ANKRD36: variants seen among roughly 807,000 people sequenced by gnomAD.
ANKRD36 encodes ankyrin repeat domain-containing protein 36A.
ANKRD36 carries 179 observed loss-of-function variants against 278.1 expected under a neutral mutation model. The observed-to-expected ratio is 0.64, with a 90% confidence interval of 0.57 to 0.73. The LOEUF (loss-of-function observed/expected upper bound fraction) is 0.73, where lower values mean the gene tolerates loss of function less well. Ranked by LOEUF, ANKRD36 falls within the 30% of genes least tolerant of loss-of-function variation. The pLI, the probability that ANKRD36 is intolerant of heterozygous loss-of-function variation, is 0.00. For missense variants in ANKRD36, 1,159 were observed against 1,956.7 expected (o/e 0.59, Z 7.69); for synonymous variants, 320 against 641.1 (o/e 0.50, Z 7.57).
At position 97,200,445 on chromosome 2, in the gene ANKRD36, C is replaced by G. The variant is rs369610399; in HGVS notation, c.2785-8C>G. ...CTTATTTATTACTTTGTTTCAAATT[C>G]CATTCAGGCCACAAGTGATGAGAAG... On this transcript the variant is annotated splice_polypyrimidine_tract_variant and splice_region_variant and intron_variant, in intron 45 of 75. Coordinates refer to ENST00000420699, the MANE Select transcript of ANKRD36 (RefSeq NM_001354587.1). 1.9e-6 allele frequency: 3 copies of G among 1,596,426 alleles called. No homozygotes were observed. Among genetic ancestry groups the G allele is most frequent in the African/African-American group, 1.3e-5 (1 of 74,460 alleles).
At position 97,244,128 on chromosome 2, in the gene ANKRD36, C is replaced by T. The variant is rs933581300; in HGVS notation, c.4491+99C>T. 10 of 1,406,992 alleles carry T rather than the reference C, an allele frequency of 7.1e-6. 1 individual carries two copies. Among genetic ancestry groups the T allele is most frequent in the Admixed American group, 5.9e-5 (2 of 33,702 alleles). The allele number at this position is 1,406,992 out of a possible 1,614,324, so 87.2% of individuals were successfully genotyped here. A position where few individuals can be genotyped will look rare whatever the true frequency, so the allele number is the denominator to read the frequency against. ...GTATATTATTTAGGCCTGAACAATCCCCAAATTTTATTTCATCTTAAAAAT... is the reference window on the plus strand; with the variant it reads ...GTATATTATTTAGGCCTGAACAATCTCCAAATTTTATTTCATCTTAAAAAT... On this transcript the variant is annotated intron_variant, in intron 70 of 75. Transcript: ENST00000420699.
intron 22 of ANKRD36, among the ~76,000 whole-genome samples, chr2:97,179,194 CCAAA>C (rs1305519172): frequency 2.0e-5 from 3 of 151,450 alleles, no homozygotes; most frequent in Non-Finnish European, 4.4e-5. Flanking sequence ...CTAGAATTCA[CCAAA>C]CATATATCCA....
chr2:97,186,320 A>G (rs1389354471), intron 30 of ANKRD36, among the ~76,000 whole-genome samples: 4 of 151,050 alleles, frequency 2.6e-5, no homozygotes, highest in South Asian at 2.1e-4. Flanking sequence ...AGAGAATAGT[A>G]TGATCCTCCT....
At position 97,154,894 on chromosome 2, in the gene ANKRD36, AG is replaced by A. The variant is rs373528960; in HGVS notation, c.1260+160del. On this transcript the variant is annotated intron_variant, in intron 15 of 75. Coordinates refer to ENST00000420699, the MANE Select transcript of ANKRD36 (RefSeq NM_001354587.1). Reference sequence around the variant, plus strand: ...TTAGAGATAACCATTTTAAAGAAATAGGGGGGGTTAATTTTAATTTTTTTTT... The same window carrying A: ...TTAGAGATAACCATTTTAAAGAAATAGGGGGGTTAATTTTAATTTTTTTTT... 2.8e-3 allele frequency among the ~76,000 whole-genome samples: 408 copies of A among 145,182 alleles called. 32 individuals are homozygous for A. The East Asian group carries it at 0.051, about 18-fold the overall frequency.
intron 40 of ANKRD36, 47 bp from the exon 41 acceptor site, chr2:97,196,544 CTT>C: frequency 6.2e-7 from 1 of 1,601,506 alleles, no homozygotes; most frequent in Non-Finnish European, 8.5e-7. Flanking sequence ...GTATGGATAT[CTT>C]TGTCATATTT....
intron 20 of ANKRD36, among the ~76,000 whole-genome samples, chr2:97,165,709 A>G (rs757533121): frequency 2.1e-4 from 32 of 152,052 alleles, no homozygotes; most frequent in Non-Finnish European, 4.4e-4. Flanking sequence ...CCAGATAAAG[A>G]AATGCTCTAT....
rs1347820014 is a variant in ANKRD36 at position 97,218,178 on chromosome 2, A to G, written c.3775+806A>G. 2.7e-5 allele frequency among the ~76,000 whole-genome samples: 4 copies of G among 149,978 alleles called. No individual in the cohort carries two copies. The Admixed American group carries it at 2.7e-4, about 10-fold the overall frequency. Reference sequence around the variant, plus strand: ...AATAGCTATTTAATGAAAATTCTTTATAGTAAAGTGATATTCCAGAGCAGA... The same window carrying G: ...AATAGCTATTTAATGAAAATTCTTTGTAGTAAAGTGATATTCCAGAGCAGA... On this transcript the variant is annotated intron_variant, in intron 64 of 75. Transcript: ENST00000420699.
rs71218080 is a variant in ANKRD36, at chr2:97,260,347, G to GATATATATATAT, written c.*7-3960_*7-3949dup. 2.0e-3 allele frequency among the ~76,000 whole-genome samples: 232 copies of GATATATATATAT among 117,568 alleles called. 1 individual carries two copies. The highest frequency in any genetic ancestry group is 2.6e-3 in the Admixed American group (26 of 10,084). The allele number at this position is 117,568 out of a possible 152,430, so 77.1% of individuals were successfully genotyped here. On this transcript the variant is annotated intron_variant, in intron 75 of 75. Transcript: ENST00000420699. Reference sequence around the variant, plus strand: ...GTCAATGAGCAGTAATATTTTAAAAGATATATATATATATATATATATATA... The same window carrying GATATATATATAT: ...GTCAATGAGCAGTAATATTTTAAAAGATATATATATATATATATATATATATATATATATATA...
At chr2:97,161,966 A>G in intron 17 of ANKRD36, 133 bp from the exon 18 acceptor site, 2 of 596,062 alleles carry the variant, frequency 3.4e-6, no homozygotes, top group Non-Finnish European at 4.9e-6. Flanking sequence ...TAAAATTAGT[A>G]TTTTATTCAT....
chr2:97,118,443 G>A lies in ANKRD36; in HGVS notation c.412G>A (p.Ala138Thr), dbSNP rs553241967. 4.7e-4 allele frequency: 760 copies of A among 1,606,390 alleles called. 11 individuals carry two copies. In the East Asian group the frequency reaches 0.015, roughly 33 times the overall value. Residue 138 changes from alanine to threonine, a missense_variant, in exon 3 of 76, where the codon GCT (alanine) becomes ACT (threonine). Coordinates refer to ENST00000420699, the MANE Select transcript of ANKRD36 (RefSeq NM_001354587.1). Reference protein sequence around the residue: ...DFFGRTALHYAVYNEDTSMIE... With the variant: ...DFFGRTALHYTVYNEDTSMIE... The stretch of plus-strand genomic sequence containing the variant: ...CTTTGGAAGGACTGCTCTGCACTAC[G>A]CTGTGTATAATGAAGATACATCCAT...
At chr2:97,180,695 C>T (rs1284719173) in intron 24 of ANKRD36, among the ~76,000 whole-genome samples, 3 of 151,606 alleles carry the variant, frequency 2.0e-5, no homozygotes, top group Non-Finnish European at 4.4e-5. Context: ...GTTCAAGGAG[C>T]TAACTCTTGG....
intron 6 of ANKRD36, among the ~76,000 whole-genome samples, chr2:97,138,316 A>T (rs2042040363): frequency 6.6e-6 from 1 of 152,096 alleles, no homozygotes; most frequent in East Asian, 1.9e-4. Flanking sequence ...GCACTAAATC[A>T]TGAGTGAACT....
intron 22 of ANKRD36, among the ~76,000 whole-genome samples, chr2:97,177,133 A>G (rs913602511): frequency 1.1e-4 from 16 of 151,482 alleles, no homozygotes; most frequent in South Asian, 2.1e-4. Flanking sequence ...ATGTGAAGGA[A>G]CTCTTCAAGG....
At chr2:97,136,528 A>C (rs965947826) in intron 6 of ANKRD36, among the ~76,000 whole-genome samples, 5 of 151,996 alleles carry the variant, frequency 3.3e-5, no homozygotes, top group African/African-American at 1.2e-4. Context: ...GTGGGGGAAT[A>C]GCCTTGTGGT....
rs778232327 is a variant in ANKRD36 at position 97,243,927 on chromosome 2, A to G, written c.4389A>G (p.Thr1463=). The G allele has an allele frequency of 3.1e-6, 5 of 1,605,030 alleles. No homozygotes were observed. The Admixed American group carries it at 5.1e-5, about 16-fold the overall frequency. Reference sequence around the variant, plus strand: ...AAGTTAGGGAAAAGTTAAGAATAACAGAAGAGCAATATAGGATAGAAGCTG... The same window carrying G: ...AAGTTAGGGAAAAGTTAAGAATAACGGAAGAGCAATATAGGATAGAAGCTG... ...HQKVREKLRI[T]EEQYRIEADV... is the part of the protein sequence containing the mutation. The change falls in exon 70 of 76, where the codon ACA becomes ACG. Residue 1463 remains threonine, a synonymous_variant. Transcript: ENST00000420699.
At chr2:97,231,813 G>T (rs1210998171) in intron 67 of ANKRD36, among the ~76,000 whole-genome samples, 1 of 152,100 alleles carries the variant, frequency 6.6e-6, no homozygotes, top group Admixed American at 6.5e-5. Context: ...TTACTGACTG[G>T]TGGTGATTTT....
intron 13 of ANKRD36, 87 bp from the exon 14 acceptor site, chr2:97,152,417 G>C (rs1270900556): frequency 8.2e-7 from 1 of 1,213,718 alleles, no homozygotes; most frequent in Non-Finnish European, 1.1e-6. Flanking sequence ...GGGATTATAG[G>C]AACAAGCCAC....
intron 12 of ANKRD36, among the ~76,000 whole-genome samples, chr2:97,149,651 GA>G (rs1188242139): frequency 2.0e-5 from 3 of 151,884 alleles, no homozygotes; most frequent in Non-Finnish European, 4.4e-5. Flanking sequence ...CACAGTAGAG[GA>G]TATACAAATT....
At chr2:97,178,332 A>G (rs1317346414) in intron 22 of ANKRD36, among the ~76,000 whole-genome samples, 3 of 152,030 alleles carry the variant, frequency 2.0e-5, no homozygotes, top group East Asian at 3.9e-4. Flanking sequence ...TAATGGGTAT[A>G]TACCCAAAGG....
Sources: allele counts gnomAD v4.1 joint callset (sites outside exome capture counted in the v4.1 genomes callset), GRCh38; gene constraint gnomAD v4.1.1; transcripts MANE v1.5; gene names NCBI Gene and HGNC (gene_info 2026-07-23, HGNC 2026-07-21).